DDX10: variants seen among roughly 807,000 people sequenced by gnomAD.
DDX10 encodes the protein DEAD-box helicase 10.
Under a neutral mutation model 104.3 loss-of-function variants are expected in DDX10, and 74 were observed. The ratio of observed to expected loss-of-function variants is 0.71; its 90% CI spans 0.59 to 0.86. DDX10 has a LOEUF of 0.86. Ranked by LOEUF, DDX10 falls within the 40% of genes least tolerant of loss-of-function variation. The pLI is 0.00. For synonymous variants in DDX10, 351 were observed against 353.4 expected (o/e 0.99, Z 0.08); for missense variants, 952 against 1,040.0 (o/e 0.92, Z 1.16).
chr11:108,692,437 A>G (rs2094254053), intron 8 of DDX10, among the ~76,000 whole-genome samples: 1 of 151,834 alleles, frequency 6.6e-6, no homozygotes, highest in Admixed American at 6.6e-5. Flanking sequence ...ATAAATAACT[A>G]CATTTAGCGT....
At chr11:108,737,295 A>G (rs1453656610) in intron 13 of DDX10, among the ~76,000 whole-genome samples, 2 of 152,234 alleles carry the variant, frequency 1.3e-5, no homozygotes, top group Non-Finnish European at 2.9e-5. Flanking sequence ...TCTATTAAGC[A>G]GGTAGCAGAT....
intron 16 of DDX10, among the ~76,000 whole-genome samples, chr11:108,900,579 T>C (rs1323521462): frequency 6.6e-6 from 1 of 152,218 alleles, no homozygotes; most frequent in Non-Finnish European, 1.5e-5. Flanking sequence ...TAGTTATTAA[T>C]ACCATTTTAT....
intron 16 of DDX10, among the ~76,000 whole-genome samples, chr11:108,854,624 A>C (rs912381083): frequency 1.2e-4 from 19 of 152,206 alleles, no homozygotes; most frequent in Non-Finnish European, 2.9e-5. Context: ...AGAAACTGAA[A>C]GTGTAAGAAA....
chr11:108,768,696 T>C (rs2094359266), intron 13 of DDX10, among the ~76,000 whole-genome samples: 1 of 152,228 alleles, frequency 6.6e-6, no homozygotes, highest in Non-Finnish European at 1.5e-5. Context: ...CTTGGAACAC[T>C]ATTCACTTTT....
At chr11:108,884,802 T>C (rs1863273212) in intron 16 of DDX10, among the ~76,000 whole-genome samples, 1 of 152,204 alleles carries the variant, frequency 6.6e-6, no homozygotes, top group African/African-American at 2.4e-5. Flanking sequence ...ATTTTCCCCC[T>C]TAACTTCAGT....
At chr11:108,777,044 A>T (rs1387225442) in intron 13 of DDX10, among the ~76,000 whole-genome samples, 1 of 152,206 alleles carries the variant, frequency 6.6e-6, no homozygotes, top group African/African-American at 2.4e-5. Flanking sequence ...ATAAGTGGAT[A>T]TTAAGTGGCC....
At chr11:108,675,434 TAATC>T (rs941664207) in intron 2 of DDX10, among the ~76,000 whole-genome samples, 158 bp from the exon 3 acceptor site, 57 of 148,558 alleles carry the variant, frequency 3.8e-4, no homozygotes, top group African/African-American at 1.1e-3. Flanking sequence ...GGCTCTAACT[TAATC>T]AACCTCTTTA....
chr11:108,900,150 G>A (rs1863497682), intron 16 of DDX10, among the ~76,000 whole-genome samples: 13 of 151,196 alleles, frequency 8.6e-5, no homozygotes, highest in Admixed American at 8.6e-4. Context: ...TCCTCCCCTC[G>A]CTCCTGTTCT....
At chr11:108,844,181 A>G (rs758310452) in intron 15 of DDX10, among the ~76,000 whole-genome samples, 1 of 152,104 alleles carries the variant, frequency 6.6e-6, no homozygotes, top group East Asian at 1.9e-4. Context: ...TAAAGTGACA[A>G]CTTTCTATTT....
In DDX10 at chr11:108,748,510, C is replaced by T. The variant is rs189397673; in HGVS notation, c.1965+25048C>T. Among the ~76,000 whole-genome samples, 7 of 152,236 alleles carry T rather than the reference C, an allele frequency of 4.6e-5. No homozygotes were observed. The East Asian group carries it at 1.4e-3, about 29-fold the overall frequency. On this transcript the variant is annotated intron_variant, in intron 13 of 17. Transcript: ENST00000322536. ...TAGTTCACGTGGTATATTCATAATGCACCATATACTGGGTCATGAAATAAG... is the reference window on the plus strand; with the variant it reads ...TAGTTCACGTGGTATATTCATAATGTACCATATACTGGGTCATGAAATAAG...
chr11:108,806,179 T>C (rs926298806), intron 13 of DDX10, among the ~76,000 whole-genome samples: 1 of 152,154 alleles, frequency 6.6e-6, no homozygotes, highest in Non-Finnish European at 1.5e-5. Context: ...GCTAGGCTGG[T>C]CTCGAACTCC....
At chr11:108,695,374 G>A (rs916542408) in intron 9 of DDX10, among the ~76,000 whole-genome samples, 18 of 152,312 alleles carry the variant, frequency 1.2e-4, no homozygotes, top group African/African-American at 3.8e-4. Flanking sequence ...ACCAATGGTT[G>A]CTTCCAATTT....
chr11:108,892,598 A>T (rs1863390893), intron 16 of DDX10, among the ~76,000 whole-genome samples: 1 of 152,168 alleles, frequency 6.6e-6, no homozygotes, highest in Non-Finnish European at 1.5e-5. Context: ...TGAAATAATT[A>T]TCCTACATAT....
intron 13 of DDX10, among the ~76,000 whole-genome samples, chr11:108,732,772 C>T (rs1031910496): frequency 2.0e-5 from 3 of 152,156 alleles, no homozygotes; most frequent in Admixed American, 2.0e-4. Context: ...GGCTAATTGT[C>T]TTGTTGGGTG....
intron 6 of DDX10, among the ~76,000 whole-genome samples, chr11:108,681,133 T>A (rs886556019): frequency 1.3e-5 from 2 of 152,224 alleles, no homozygotes; most frequent in African/African-American, 4.8e-5. Flanking sequence ...CAGATTTTTT[T>A]AATCATTAGA....
At chr11:108,716,173 A>G (rs1010150983) in intron 11 of DDX10, among the ~76,000 whole-genome samples, 1 of 151,880 alleles carries the variant, frequency 6.6e-6, no homozygotes, top group African/African-American at 2.4e-5. Context: ...TCAGCTCACT[A>G]CAACCTCTGT....
intron 13 of DDX10, among the ~76,000 whole-genome samples, chr11:108,810,967 TA>T (rs1186906494): frequency 1.2e-4 from 18 of 152,166 alleles, no homozygotes; most frequent in African/African-American, 4.1e-4. Context: ...TCATAGTACT[TA>T]AACATTCTTA....
chr11:108,729,284 G>T (rs1206981474), intron 13 of DDX10, among the ~76,000 whole-genome samples: 2 of 152,068 alleles, frequency 1.3e-5, no homozygotes, highest in African/African-American at 4.8e-5. Flanking sequence ...TTGAAGGAGG[G>T]TCACAAATTC....
intron 17 of DDX10, among the ~76,000 whole-genome samples, chr11:108,936,952 A>G (rs1363044336): frequency 6.6e-6 from 1 of 152,242 alleles, no homozygotes; most frequent in Non-Finnish European, 1.5e-5. Context: ...AGATGCATAC[A>G]GTTGGAAAAG....
Sources: allele counts gnomAD v4.1 joint callset (sites outside exome capture counted in the v4.1 genomes callset), GRCh38; gene constraint gnomAD v4.1.1; transcripts MANE v1.5; gene names NCBI Gene and HGNC (gene_info 2026-07-23, HGNC 2026-07-21).